The following OLFML2A variants were observed in gnomAD, a reference collection of about 807,000 sequenced individuals.
The protein encoded by OLFML2A is olfactomedin like 2A.
A neutral mutation model predicts 60.9 loss-of-function variants in OLFML2A; 47 were observed. The ratio of observed to expected loss-of-function variants is 0.77; its 90% CI spans 0.61 to 0.98. The LOEUF is 0.98. Among genes scored for constraint, OLFML2A ranks in the 50% least tolerant of loss-of-function variants. The pLI is 0.00. For missense variants in OLFML2A, 922 were observed against 879.8 expected (o/e 1.05, Z -0.61); for synonymous variants, 372 against 375.0 (o/e 0.99, Z 0.09).
chr9:124,778,860 C>T, intron 1 of OLFML2A: 2 of 488,802 alleles, frequency 4.1e-6, no homozygotes, highest in Non-Finnish European at 5.3e-6. Flanking sequence ...GGAGCAGGAC[C>T]AGAGCCCTGG....
At position 124,811,712 on chromosome 9, in the gene OLFML2A, C is replaced by A. The variant is rs909106054; in HGVS notation, c.*1300C>A. On this transcript the variant is annotated 3_prime_UTR_variant, in exon 8 of 8. Transcript: ENST00000373580. ...GAGGATGCACGGGGGCCACCTTGCCCGGGGCCACTGGTGGCTCCCCAGAGC... is the reference window on the plus strand; with the variant it reads ...GAGGATGCACGGGGGCCACCTTGCCAGGGGCCACTGGTGGCTCCCCAGAGC... The A allele has an allele frequency of 3.3e-5, 5 of 152,322 alleles. No individual in the cohort carries two copies. The highest frequency in any genetic ancestry group is 3.4e-3 in the Middle Eastern group (1 of 294). The allele number at this position is 152,322 out of a possible 1,614,324, so 9.4% of individuals were successfully genotyped here.
intron 2 of OLFML2A, among the ~76,000 whole-genome samples, chr9:124,791,507 C>T (rs1182829125): frequency 1.3e-5 from 2 of 152,146 alleles, no homozygotes; most frequent in African/African-American, 4.8e-5. Flanking sequence ...GAGGCCAAGA[C>T]AGGTGGATCA....
Position 124,810,096 on chromosome 9 carries a change from T to C in OLFML2A, c.1643T>C (p.Ile548Thr). The C allele has an allele frequency of 6.2e-7, 1 of 1,613,730 alleles. No homozygotes were observed. Among genetic ancestry groups the C allele is most frequent in the Non-Finnish European group, 8.5e-7 (1 of 1,179,998 alleles). ...DDRDEAQPEV[I>T]VLSRLDPGDL... Reference sequence around the variant, plus strand: ...CGCGATGAGGCCCAGCCCGAGGTGATCGTCCTGAGTCGCTTGGACCCCGGC... The same window carrying C: ...CGCGATGAGGCCCAGCCCGAGGTGACCGTCCTGAGTCGCTTGGACCCCGGC... The change falls in exon 8 of 8, where the codon ATC becomes ACC. Residue 548 changes from isoleucine to threonine, a missense_variant. By Grantham distance (89) the Ile-to-Thr change is moderately conservative (BLOSUM62 -1). Coordinates refer to ENST00000373580, the MANE Select transcript of OLFML2A (RefSeq NM_182487.4).
At position 124,781,476 on chromosome 9, in the gene OLFML2A, A is replaced by G. The variant is rs535446544; in HGVS notation, c.90+4116A>G. On this transcript the variant is annotated intron_variant, in intron 1 of 7. Transcript: ENST00000373580. ...TGGTGAGGCGGGGCTGGCCATGAGGAAAAAGGGCAGACCCAACTTCAAGAT... is the reference window on the plus strand; with the variant it reads ...TGGTGAGGCGGGGCTGGCCATGAGGGAAAAGGGCAGACCCAACTTCAAGAT... Among the ~76,000 whole-genome samples, 5 of 152,140 alleles carry G rather than the reference A, an allele frequency of 3.3e-5. No homozygotes were observed. The South Asian group carries it at 1.0e-3, about 32-fold the overall frequency.
chr9:124,785,494 T>C (rs1051566932), intron 1 of OLFML2A, among the ~76,000 whole-genome samples: 4 of 147,006 alleles, frequency 2.7e-5, no homozygotes, highest in Non-Finnish European at 6.0e-5. Flanking sequence ...GCCTCCCGGG[T>C]TCATGCCATT....
chr9:124,794,079 T>C (rs1271209238), intron 2 of OLFML2A, among the ~76,000 whole-genome samples: 1 of 151,964 alleles, frequency 6.6e-6, no homozygotes, highest in Non-Finnish European at 1.5e-5. Flanking sequence ...AAACTGGAAA[T>C]GAAGTGGGAG....
chr9:124,787,159 C>G lies in OLFML2A; in HGVS notation c.275C>G (p.Ala92Gly). 6.2e-7 allele frequency: 1 copy of G among 1,614,198 alleles called. No individual in the cohort carries two copies. The highest frequency in any genetic ancestry group is 2.2e-5 in the East Asian group (1 of 44,888). The change falls in exon 2 of 8, where the codon GCA becomes GGA. Residue 92 changes from alanine (A) to glycine (G), a missense_variant. Transcript: ENST00000373580. ...SGTDCRCSCTAPPSSLNPCEN... is the reference protein window; with the variant it reads ...SGTDCRCSCTGPPSSLNPCEN... ...ACTGACTGCCGCTGCTCCTGTACCG[C>G]ACCTCCCTCCTCTCTCAACCCCTGT...
At chr9:124,808,110 G>T (rs1841939488) in intron 7 of OLFML2A, 144 bp downstream of exon 7, 2 of 657,706 alleles carry the variant, frequency 3.0e-6, no homozygotes, top group Non-Finnish European at 5.2e-6. Context: ...CCAAGGAGGG[G>T]GTTCTGGGCT....
intron 5 of OLFML2A, among the ~76,000 whole-genome samples, chr9:124,803,503 G>A (rs993779697): frequency 3.9e-5 from 6 of 151,916 alleles, no homozygotes; most frequent in African/African-American, 1.2e-4. Context: ...GGGCTCAAGC[G>A]ATCTGCCGGC....
intron 4 of OLFML2A, chr9:124,800,994 GGTCACCTTGCCTA>G: frequency 4.5e-6 from 7 of 1,550,270 alleles, no homozygotes; most frequent in Non-Finnish European, 5.2e-6. Flanking sequence ...GGGATGAGTT[GGTCACCTTGCCTA>G]GGTGCCTAAG....
chr9:124,784,943 GTTTTTT>G lies in OLFML2A; in HGVS notation c.91-2009_91-2004del, dbSNP rs750733365. Reference sequence around the variant, plus strand: ...AATCAGTACTGCATTCCTTTTACTTGTTTTTTTTTTTTTTTTTTTTTTTTTTTTGAG... The same window carrying G: ...AATCAGTACTGCATTCCTTTTACTTGTTTTTTTTTTTTTTTTTTTTTTGAG... On this transcript the variant is annotated intron_variant, in intron 1 of 7. Transcript: ENST00000373580. Among the ~76,000 whole-genome samples, 20 of 69,588 alleles carry G rather than the reference GTTTTTT, an allele frequency of 2.9e-4. No individual in the cohort carries two copies. In the South Asian group the frequency reaches 3.6e-3, roughly 13 times the overall value. 45.7% of individuals were successfully genotyped at this position (69,588 alleles called of 152,430 possible).
At position 124,799,467 on chromosome 9, in the gene OLFML2A, C is replaced by G; in HGVS notation, c.645C>G (p.Ala215=). Residue 215 remains alanine (A), a synonymous_variant, in exon 4 of 8, where the codon GCC becomes GCG. Coordinates refer to ENST00000373580, the MANE Select transcript of OLFML2A (RefSeq NM_182487.4). ...KDAAAAPATP[A]TGTGSKAQDT... is the part of the protein sequence containing the mutation. ...CCGCCGCCGCCCCTGCCACCCCTGC[C>G]ACGGGCACTGGTAGCAAGGCCCAGG... is the stretch of plus-strand genomic sequence containing the variant. The G allele has an allele frequency of 6.2e-7, 1 of 1,604,240 alleles. No homozygotes were observed. The highest frequency in any genetic ancestry group is 8.5e-7 in the Non-Finnish European group (1 of 1,176,298).
chr9:124,802,081 A>T (rs1181978837), intron 5 of OLFML2A, among the ~76,000 whole-genome samples: 1 of 152,058 alleles, frequency 6.6e-6, no homozygotes. Flanking sequence ...GGCTCCTGAG[A>T]AGTGACAAGG....
At chr9:124,793,466 G>A (rs1841605367) in intron 2 of OLFML2A, among the ~76,000 whole-genome samples, 1 of 152,160 alleles carries the variant, frequency 6.6e-6, no homozygotes, top group East Asian at 1.9e-4. Context: ...CATGACACAG[G>A]AGCCATAAAG....
In OLFML2A at chr9:124,813,149, A is replaced by G. The variant is rs1049406461; in HGVS notation, c.*2737A>G. 1 of 152,154 alleles carries G rather than the reference A, an allele frequency of 6.6e-6. No individual in the cohort carries two copies. The highest frequency in any genetic ancestry group is 6.5e-5 in the Admixed American group (1 of 15,272). 9.4% of individuals were successfully genotyped at this position (152,154 alleles called of 1,614,324 possible). ...TTTTTAGTAGAGACAGGATTTCACCATGTTGGCCAGGCCAGTCTCAAACTC... is the reference window on the plus strand; with the variant it reads ...TTTTTAGTAGAGACAGGATTTCACCGTGTTGGCCAGGCCAGTCTCAAACTC... On this transcript the variant is annotated 3_prime_UTR_variant, in exon 8 of 8. Coordinates refer to ENST00000373580, the MANE Select transcript of OLFML2A (RefSeq NM_182487.4).
At chr9:124,803,551 C>T (rs914314675) in intron 5 of OLFML2A, among the ~76,000 whole-genome samples, 7 of 152,230 alleles carry the variant, frequency 4.6e-5, no homozygotes, top group African/African-American at 1.7e-4. Flanking sequence ...AGGCACCAGC[C>T]ACTGCGCCCA....
At chr9:124,807,742 G>A (rs1440808069) in intron 6 of OLFML2A, 39 bp from the exon 7 acceptor site, 6 of 1,535,478 alleles carry the variant, frequency 3.9e-6, no homozygotes, top group Non-Finnish European at 5.3e-6. Context: ...GGGGGCTTGG[G>A]GGTCTGTGTA....
intron 6 of OLFML2A, 43 bp downstream of exon 6, chr9:124,804,385 C>A: frequency 1.3e-6 from 2 of 1,485,544 alleles, no homozygotes; most frequent in South Asian, 1.3e-5. Context: ...AGCCTGTGCC[C>A]AAATCTAGCC....
At position 124,810,895 on chromosome 9, in the gene OLFML2A, G is replaced by T; in HGVS notation, c.*483G>T. The T allele has an allele frequency of 6.0e-6, 1 of 167,264 alleles. No individual in the cohort carries two copies. 10.4% of individuals were successfully genotyped at this position (167,264 alleles called of 1,614,324 possible). A position where few individuals can be genotyped will look rare whatever the true frequency, so the allele number is the denominator to read the frequency against. On this transcript the variant is annotated 3_prime_UTR_variant, in exon 8 of 8. Coordinates refer to ENST00000373580, the MANE Select transcript of OLFML2A (RefSeq NM_182487.4). ...CCACTCAGAACCAGAGGTCTTTAGG[G>T]CCAGTGTACTGGTGTGGGGTGGAGG... is the stretch of plus-strand genomic sequence containing the variant.
Sources: gnomAD v4.1 joint callset for allele counts (sites outside exome capture counted in the v4.1 genomes callset) on GRCh38, gnomAD v4.1.1 for gene constraint, MANE v1.5 for transcripts, NCBI Gene and HGNC (gene_info 2026-07-23, HGNC 2026-07-21) for gene names.